PLEKHA4: variants seen among roughly 807,000 people sequenced by gnomAD.
PLEKHA4 encodes pleckstrin homology domain containing A4, also known as pleckstrin homology domain-containing family A member 4.
A neutral mutation model predicts 94.7 loss-of-function variants in PLEKHA4; 73 were observed. That is an observed-to-expected ratio of 0.77 (90% CI 0.64 to 0.94). The LOEUF is 0.94. Among genes scored for constraint, PLEKHA4 ranks in the 40% least tolerant of loss-of-function variants. PLEKHA4 has a pLI of 0.00. For synonymous variants in PLEKHA4, 449 were observed against 437.1 expected, an observed-to-expected ratio of 1.03 and a Z score of -0.34; for missense variants, 1,049 against 1,054.1, an observed-to-expected ratio of 1.00 and a Z score of 0.07.
In PLEKHA4 at chr19:48,841,138, C is replaced by G; in HGVS notation, c.1905+11G>C. 8 of 1,603,878 alleles carry G rather than the reference C, an allele frequency of 5.0e-6. No homozygotes were observed. The highest frequency in any genetic ancestry group is 6.8e-6 in the Non-Finnish European group (8 of 1,175,330). On this transcript the variant is annotated intron_variant, in intron 17 of 19. Coordinates refer to ENST00000263265, the MANE Select transcript of PLEKHA4 (RefSeq NM_020904.3). ...CACCCCACCGCCCAGCCCCAGCCCTCCTCCCCTCACCCTTTGCTCCACGTC... is the reference window on the plus strand; with the variant it reads ...CACCCCACCGCCCAGCCCCAGCCCTGCTCCCCTCACCCTTTGCTCCACGTC...
chr19:48,856,823 C>T (rs1243328926), intron 9 of PLEKHA4, among the ~76,000 whole-genome samples: 1 of 133,824 alleles, frequency 7.5e-6, no homozygotes, highest in Non-Finnish European at 1.6e-5. Flanking sequence ...GGCATGAACC[C>T]GGGAGGCAGA....
chr19:48,864,827 TC>T (rs1368947876), intron 3 of PLEKHA4, among the ~76,000 whole-genome samples: 3 of 152,182 alleles, frequency 2.0e-5, no homozygotes, highest in Non-Finnish European at 4.4e-5. Flanking sequence ...CGTCTTGGCC[TC>T]CCAAAATGCT....
At chr19:48,849,018 G>A (rs1447680870) in intron 13 of PLEKHA4, among the ~76,000 whole-genome samples, 2 of 151,926 alleles carry the variant, frequency 1.3e-5, no homozygotes, top group Non-Finnish European at 2.9e-5. Flanking sequence ...TTCCACCTCA[G>A]CCTCCTGAGT....
At position 48,847,891 on chromosome 19, in the gene PLEKHA4, G is replaced by A; in HGVS notation, c.1566+9C>T. 1.3e-6 allele frequency: 2 copies of A among 1,545,206 alleles called. No individual in the cohort carries two copies. Among genetic ancestry groups the A allele is most frequent in the Non-Finnish European group, 1.7e-6 (2 of 1,146,358 alleles). ...AGCTTGGGGTGGGGAGGAATTATGT[G>A]CGTCTTACCTCCCTCTCTGAGGACT... On this transcript the variant is annotated intron_variant, in intron 14 of 19. Coordinates refer to ENST00000263265, the MANE Select transcript of PLEKHA4 (RefSeq NM_020904.3).
intron 14 of PLEKHA4, among the ~76,000 whole-genome samples, chr19:48,847,118 C>A (rs2035996790): frequency 6.6e-6 from 1 of 152,054 alleles, no homozygotes; most frequent in African/African-American, 2.4e-5. Context: ...TGCCTGGTGT[C>A]TAAGTGCATT....
chr19:48,839,610 A>G (rs1005128457), intron 17 of PLEKHA4, among the ~76,000 whole-genome samples: 1 of 151,880 alleles, frequency 6.6e-6, no homozygotes, highest in Non-Finnish European at 1.5e-5. Flanking sequence ...TAGTAGAGAC[A>G]GAGTCTTGCT....
At chr19:48,845,827 G>A (rs977953899) in intron 14 of PLEKHA4, among the ~76,000 whole-genome samples, 4 of 151,208 alleles carry the variant, frequency 2.6e-5, no homozygotes, top group African/African-American at 9.7e-5. Context: ...TTAGTCCAAC[G>A]TAGTGAAAAC....
chr19:48,853,348 T>C (rs1447102558), intron 12 of PLEKHA4, among the ~76,000 whole-genome samples: 2 of 152,144 alleles, frequency 1.3e-5, no homozygotes, highest in East Asian at 1.9e-4. Flanking sequence ...CTGGCCAACA[T>C]GGCAAAACCC....
chr19:48,864,476 T>C (rs1018194793), intron 3 of PLEKHA4, among the ~76,000 whole-genome samples: 2 of 152,070 alleles, frequency 1.3e-5, no homozygotes, highest in African/African-American at 4.8e-5. Flanking sequence ...CCAGCTCAAA[T>C]GTCACCTCAG....
intron 12 of PLEKHA4, among the ~76,000 whole-genome samples, 178 bp downstream of exon 12, chr19:48,853,504 A>C (rs375958426): frequency 0.16 from 14,983 of 90,902 alleles, 977 homozygotes; most frequent in African/African-American, 0.18. Context: ...GTCCCCCCCA[A>C]AAAAAAAAAA....
intron 8 of PLEKHA4, among the ~76,000 whole-genome samples, chr19:48,858,049 A>G (rs2036492811): frequency 6.6e-6 from 1 of 152,110 alleles, no homozygotes; most frequent in Non-Finnish European, 1.5e-5. Flanking sequence ...AACTTCCTCA[A>G]CTACCTGCTC....
chr19:48,848,858 C>A (rs1445775632), intron 13 of PLEKHA4, among the ~76,000 whole-genome samples: 1 of 151,698 alleles, frequency 6.6e-6, no homozygotes, highest in Non-Finnish European at 1.5e-5. Flanking sequence ...TACTGTGTTA[C>A]ATCTATTATA....
At chr19:48,840,668 G>A (rs2035725796) in intron 17 of PLEKHA4, among the ~76,000 whole-genome samples, 1 of 151,792 alleles carries the variant, frequency 6.6e-6, no homozygotes, top group Non-Finnish European at 1.5e-5. Flanking sequence ...CAGGTGATCC[G>A]CCCTCCTTGG....
In PLEKHA4 at chr19:48,845,610, G is replaced by A. The variant is rs1020394140; in HGVS notation, c.1573C>T (p.Pro525Ser). 6.3e-7 allele frequency: 1 copy of A among 1,585,544 alleles called. No individual in the cohort carries two copies. Among genetic ancestry groups the A allele is most frequent in the Non-Finnish European group, 8.6e-7 (1 of 1,166,468 alleles). The change falls in exon 15 of 20, where the codon CCA (proline) becomes TCA (serine). Residue 525 changes from proline (P) to serine (S), a missense_variant. Physicochemically the swap from Pro to Ser is moderately conservative, Grantham distance 74 (BLOSUM62 -1). Coordinates refer to ENST00000263265, the MANE Select transcript of PLEKHA4 (RefSeq NM_020904.3). ...GEESSERESLPESLELSSPRS... is the reference protein window; with the variant it reads ...GEESSERESLSESLELSSPRS... The stretch of plus-strand genomic sequence containing the variant: ...GGGGAGCTCAGTTCCAAGGACTCTG[G>A]CAGGCTCTGCGGGGATTAGAAAAGG...
At chr19:48,853,089 C>T (rs2036261369) in intron 12 of PLEKHA4, among the ~76,000 whole-genome samples, 1 of 152,184 alleles carries the variant, frequency 6.6e-6, no homozygotes, top group South Asian at 2.1e-4. Flanking sequence ...GAGGTAGTTA[C>T]TATTATTGTC....
At chr19:48,863,238 T>C (rs1281997579) in intron 3 of PLEKHA4, among the ~76,000 whole-genome samples, 1 of 152,126 alleles carries the variant, frequency 6.6e-6, no homozygotes, top group Non-Finnish European at 1.5e-5. Context: ...TACCATCACT[T>C]ACTGTTTTTT....
chr19:48,852,405 A>G, intron 12 of PLEKHA4, 79 bp from the exon 13 acceptor site: 1 of 1,138,608 alleles, frequency 8.8e-7, no homozygotes, highest in Non-Finnish European at 1.3e-6. Context: ...TTTGTCAGCT[A>G]AGGAGGAGAT....
intron 2 of PLEKHA4, among the ~76,000 whole-genome samples, chr19:48,866,851 C>G (rs1007124813): frequency 6.6e-6 from 1 of 152,124 alleles, no homozygotes; most frequent in Admixed American, 6.6e-5. Flanking sequence ...TGCGGTCACA[C>G]CCCTTAGCAA....
rs142077362 is a variant in PLEKHA4, at chr19:48,857,999, G to A, written c.973-503C>T. 5.4e-3 allele frequency among the ~76,000 whole-genome samples: 817 copies of A among 152,106 alleles called. 9 individuals carry two copies. Among genetic ancestry groups the A allele is most frequent in the South Asian group, 0.028 (137 of 4,808 alleles). The stretch of plus-strand genomic sequence containing the variant: ...GAGTGGGCATGTCCATAATTGAAGT[G>A]CTTTAGGAGATATTTTGAGGTTCAG... On this transcript the variant is annotated intron_variant, in intron 8 of 19. Transcript: ENST00000263265.
Sources: gnomAD v4.1 joint callset for allele counts (sites outside exome capture counted in the v4.1 genomes callset) on GRCh38, gnomAD v4.1.1 for gene constraint, MANE v1.5 for transcripts, NCBI Gene and HGNC (gene_info 2026-07-23, HGNC 2026-07-21) for gene names.